The following ACP4 variants were observed in gnomAD, a reference collection of about 807,000 sequenced individuals.
ACP4 encodes the protein testicular acid phosphatase.
In ACP4, 49 loss-of-function variants were observed where a neutral mutation model predicts 47.3. The ratio of observed to expected loss-of-function variants is 1.04; its 90% CI spans 0.82 to 1.32. The LOEUF (loss-of-function observed/expected upper bound fraction) is 1.32, where lower values mean the gene tolerates loss of function less well. ACP4 is among the 40% of genes most tolerant of loss of function. The probability of loss-of-function intolerance (pLI) is 0.00; values close to 1 mark genes in which losing one functional copy is unlikely to be tolerated. For synonymous variants in ACP4, 299 were observed against 265.3 expected (o/e 1.13, Z -1.23); for missense variants, 594 against 579.3 (o/e 1.03, Z -0.26).
chr19:50,791,102 T>C (rs1250224541), intron 3 of ACP4, among the ~76,000 whole-genome samples: 1 of 152,168 alleles, frequency 6.6e-6, no homozygotes, highest in Non-Finnish European at 1.5e-5. Context: ...CTGGCCTCCA[T>C]CTCTGTTTTC....
rs1233246146 is a variant in ACP4, at chr19:50,791,937, C to T, written c.450+135C>T. 25 of 1,443,682 alleles carry T rather than the reference C, an allele frequency of 1.7e-5. No individual in the cohort carries two copies. In the South Asian group the frequency reaches 1.8e-4, roughly 10 times the overall value. The allele number at this position is 1,443,682 out of a possible 1,614,324, so 89.4% of individuals were successfully genotyped here. ...GGTCTGTCCAGACCAGGGTGAGCCCCGGCCCACGCTGCTCTCCTGGATCTG... is the reference window on the plus strand; with the variant it reads ...GGTCTGTCCAGACCAGGGTGAGCCCTGGCCCACGCTGCTCTCCTGGATCTG... On this transcript the variant is annotated intron_variant, in intron 4 of 10. Coordinates refer to ENST00000270593, the MANE Select transcript of ACP4 (RefSeq NM_033068.3).
At chr19:50,792,542 T>C (rs2123290051) in intron 6 of ACP4, 1 of 594,468 alleles carries the variant, frequency 1.7e-6, no homozygotes, top group South Asian at 2.1e-5. Flanking sequence ...CGCACTGTGC[T>C]TACAATAGTG....
chr19:50,792,846 C>G (rs1225008537), intron 6 of ACP4: 1 of 152,150 alleles, frequency 6.6e-6, no homozygotes, highest in East Asian at 1.9e-4. Flanking sequence ...TCATGCCTGG[C>G]TAATTAAAAA....
chr19:50,793,565 C>A, intron 6 of ACP4, 119 bp from the exon 7 acceptor site: 1 of 1,413,254 alleles, frequency 7.1e-7, no homozygotes, highest in Non-Finnish European at 9.6e-7. Context: ...CATGATTTCC[C>A]AGCCAGATCC....
intron 3 of ACP4, 74 bp from the exon 4 acceptor site, chr19:50,791,582 T>C (rs1051317211): frequency 2.6e-6 from 4 of 1,554,852 alleles, no homozygotes; most frequent in Non-Finnish European, 3.5e-6. Flanking sequence ...ATCTGAGGCT[T>C]CTGATTTGCC....
chr19:50,793,954 T>C lies in ACP4; in HGVS notation c.845T>C (p.Met282Thr), dbSNP rs2089532683. Residue 282 changes from methionine to threonine, a missense_variant, in exon 8 of 11, where the codon ATG (methionine) becomes ACG (threonine). Coordinates refer to ENST00000270593, the MANE Select transcript of ACP4 (RefSeq NM_033068.3). ...RVQRLGLPLK[M>T]VMYSAHDSTL... ...CAGCGCCTGGGGCTGCCCCTCAAGA[T>C]GGTCATGTACTCAGCTGTGAGTCCT... 6.2e-7 allele frequency: 1 copy of C among 1,614,050 alleles called. No individual in the cohort carries two copies. The highest frequency in any genetic ancestry group is 1.3e-5 in the African/African-American group (1 of 75,038).
At chr19:50,794,334 G>C in intron 8 of ACP4, 123 bp from the exon 9 acceptor site, 1 of 1,388,288 alleles carries the variant, frequency 7.2e-7, no homozygotes, top group Non-Finnish European at 9.7e-7. Context: ...AGGATGGGAG[G>C]AAGGAGTAGC....
chr19:50,793,469 T>A, intron 6 of ACP4: 1 of 629,764 alleles, frequency 1.6e-6, no homozygotes. Context: ...CAGCCAAGAT[T>A]GCGCTACTGC....
Position 50,790,528 on chromosome 19 carries a change from G to C in ACP4, c.111+3G>C. ...GACCCCTGGTGTTCGTGGCTCTGGT[G>C]AGGCGCCCCCACCCCGGCCTGCCCT... On this transcript the variant is annotated splice_donor_region_variant and intron_variant, in intron 1 of 10. Coordinates refer to ENST00000270593, the MANE Select transcript of ACP4 (RefSeq NM_033068.3). 1 of 1,544,294 alleles carries C rather than the reference G, an allele frequency of 6.5e-7. No individual in the cohort carries two copies. Among genetic ancestry groups the C allele is most frequent in the East Asian group, 2.4e-5 (1 of 40,912 alleles).
intron 8 of ACP4, 106 bp downstream of exon 8, chr19:50,794,076 G>A (rs2089533682): frequency 1.5e-6 from 2 of 1,347,518 alleles, no homozygotes; most frequent in African/African-American, 1.4e-5. Context: ...TCAGCCCACT[G>A]CCTGGGGTAA....
intron 6 of ACP4, 90 bp from the exon 7 acceptor site, chr19:50,793,594 G>A (rs266124): frequency 0.095 from 145,453 of 1,529,636 alleles, 8,311 homozygotes; most frequent in African/African-American, 0.26. Flanking sequence ...CCCATGGGGG[G>A]ACTCAGAAGA....
At chr19:50,791,000 C>T (rs2089500666) in intron 3 of ACP4, 140 bp downstream of exon 3, 2 of 801,852 alleles carry the variant, frequency 2.5e-6, no homozygotes, top group Non-Finnish European at 3.9e-6. Flanking sequence ...ATCTCTGACC[C>T]CCGATACACT....
Position 50,792,271 on chromosome 19 carries a change from G to T in ACP4, c.579G>T (p.Thr193=). ...TCCTGAGTCGCCTGGAGAACTTCAC[G>T]GGACTGTCGCTGGTTGGAGAGCCAC... ...TGFLSRLENF[T]GLSLVGEPLR... is the part of the protein sequence containing the mutation. The change falls in exon 6 of 11, where the codon ACG becomes ACT. Residue 193 remains threonine (T), a synonymous_variant. Coordinates refer to ENST00000270593, the MANE Select transcript of ACP4 (RefSeq NM_033068.3). The T allele has an allele frequency of 6.2e-7, 1 of 1,613,460 alleles. No individual in the cohort carries two copies. The highest frequency in any genetic ancestry group is 8.5e-7 in the Non-Finnish European group (1 of 1,180,012).
chr19:50,791,439 T>G (rs2089505145), intron 3 of ACP4, among the ~76,000 whole-genome samples: 1 of 152,274 alleles, frequency 6.6e-6, no homozygotes, highest in African/African-American at 2.4e-5. Context: ...ATTGACCCCC[T>G]AAATCCAACA....
At position 50,793,683 on chromosome 19, in the gene ACP4, G is replaced by C. The variant is rs747984322; in HGVS notation, c.646-1G>C. 5.6e-5 allele frequency: 90 copies of C among 1,612,884 alleles called. No individual in the cohort carries two copies. Among genetic ancestry groups the C allele is most frequent in the Non-Finnish European group, 7.3e-5 (86 of 1,179,852 alleles). On this transcript the variant is annotated splice_acceptor_variant, in intron 6 of 10. Coordinates refer to ENST00000270593, the MANE Select transcript of ACP4 (RefSeq NM_033068.3). LOFTEE classifies it high-confidence loss of function. ...GGTCCATCTGTCCTGTCTCCCCACA[G>C]CAAGCCCACGGTCTTCCACTACCAG...
intron 9 of ACP4, 38 bp downstream of exon 9, chr19:50,794,619 A>G (rs764834281): frequency 2.5e-6 from 4 of 1,613,718 alleles, no homozygotes; most frequent in African/African-American, 2.7e-5. Context: ...TGGGTGGGAC[A>G]GAACTCTCAA....
chr19:50,794,040 G>A, intron 8 of ACP4, 70 bp downstream of exon 8: 1 of 1,568,786 alleles, frequency 6.4e-7, no homozygotes, highest in Non-Finnish European at 8.7e-7. Flanking sequence ...ATTTAGGTGA[G>A]GAAGAGCCTG....
rs375336745 is a variant in ACP4 at position 50,793,721 on chromosome 19, C to A, written c.683C>A (p.Pro228Gln). The A allele has an allele frequency of 9.9e-6, 16 of 1,613,632 alleles. No homozygotes were observed. Among genetic ancestry groups the A allele is most frequent in the African/African-American group, 2.7e-5 (2 of 74,936 alleles). Residue 228 changes from proline to glutamine, a missense_variant, in exon 7 of 11, where the codon CCA becomes CAA. Coordinates refer to ENST00000270593, the MANE Select transcript of ACP4 (RefSeq NM_033068.3). The part of the protein sequence containing the change: ...HGLPLPAWAS[P>Q]DVLRTLAQIS... ...CTTCCACTACCAGCCTGGGCCTCCC[C>A]AGATGTCCTGCGGACTCTTGCCCAG...
In ACP4 at chr19:50,791,645, C is replaced by G; in HGVS notation, c.304-11C>G. ...CGACCCCCCGCGTGCCCTCTCTCCA[C>G]CCCGCTCCAGGTGTACATCCGCAGC... On this transcript the variant is annotated splice_polypyrimidine_tract_variant and intron_variant, in intron 3 of 10. Transcript: ENST00000270593. 1 of 1,605,988 alleles carries G rather than the reference C, an allele frequency of 6.2e-7. No homozygotes were observed. The highest frequency in any genetic ancestry group is 8.5e-7 in the Non-Finnish European group (1 of 1,174,680).
Sources: allele counts gnomAD v4.1 joint callset (sites outside exome capture counted in the v4.1 genomes callset), GRCh38; gene constraint gnomAD v4.1.1; transcripts MANE v1.5; gene names NCBI Gene and HGNC (gene_info 2026-07-23, HGNC 2026-07-21).